TMTC1: variants seen among roughly 807,000 people sequenced by gnomAD.
TMTC1 encodes the protein protein O-mannosyl-transferase TMTC1.
In TMTC1, 73 loss-of-function variants were observed where a neutral mutation model predicts 104.8. The observed-to-expected ratio is 0.70, with a 90% CI of 0.58 to 0.85. The LOEUF is 0.85. TMTC1 is among the 40% of genes least tolerant of loss of function. TMTC1 has a pLI of 0.00. For synonymous variants in TMTC1, 434 were observed against 428.7 expected (o/e 1.01, Z -0.15); for missense variants, 1,035 against 1,096.1 (o/e 0.94, Z 0.79).
chr12:29,640,509 C>G (rs1422015575), intron 5 of TMTC1: 1 of 152,210 alleles, frequency 6.6e-6, no homozygotes, highest in African/African-American at 2.4e-5. Context: ...ACACGTCCCC[C>G]ACAACTGGAG....
At chr12:29,779,157 C>T (rs1341547650) in intron 1 of TMTC1, among the ~76,000 whole-genome samples, 2 of 152,188 alleles carry the variant, frequency 1.3e-5, no homozygotes, top group African/African-American at 4.8e-5. Context: ...CTGGGTGCTG[C>T]TGCAAACCAA....
chr12:29,670,343 G>A (rs892898497), intron 5 of TMTC1, among the ~76,000 whole-genome samples: 2 of 152,134 alleles, frequency 1.3e-5, no homozygotes, highest in Non-Finnish European at 2.9e-5. Flanking sequence ...CCCCAGGCAT[G>A]GTTCTAATGC....
chr12:29,645,747 A>G (rs2136574189), intron 5 of TMTC1, among the ~76,000 whole-genome samples: 1 of 152,328 alleles, frequency 6.6e-6, no homozygotes, highest in South Asian at 2.1e-4. Context: ...GGAGGCATGA[A>G]CTGACTGCTG....
At chr12:29,637,277 A>G (rs2136525739) in intron 5 of TMTC1, among the ~76,000 whole-genome samples, 1 of 152,336 alleles carries the variant, frequency 6.6e-6, no homozygotes, top group Non-Finnish European at 1.5e-5. Context: ...ATTACATTGA[A>G]GCAAATCATC....
chr12:29,711,399 T>C (rs1354423678), intron 5 of TMTC1, among the ~76,000 whole-genome samples: 1 of 152,174 alleles, frequency 6.6e-6, no homozygotes, highest in African/African-American at 2.4e-5. Flanking sequence ...GAGTTCAAAT[T>C]TTGCTTTTAG....
In TMTC1 at chr12:29,514,472, G is replaced by A. The variant is rs745617777; in HGVS notation, c.2430+10C>T. 6.3e-6 allele frequency: 10 copies of A among 1,591,766 alleles called. No homozygotes were observed. In the Admixed American group the frequency reaches 1.5e-4, roughly 24 times the overall value. On this transcript the variant is annotated intron_variant, in intron 16 of 17. Transcript: ENST00000539277. Reference sequence around the variant, plus strand: ...GAATTTGATGATATAATTTTATGATGAGTTTATACCTCAAAAGCTTTGTCG... The same window carrying A: ...GAATTTGATGATATAATTTTATGATAAGTTTATACCTCAAAAGCTTTGTCG...
At chr12:29,648,178 G>A (rs534011365) in intron 5 of TMTC1, among the ~76,000 whole-genome samples, 3 of 152,262 alleles carry the variant, frequency 2.0e-5, no homozygotes, top group Admixed American at 6.5e-5. Context: ...CTTTTCAAAT[G>A]CAAGTCCATA....
At chr12:29,738,877 T>A (rs962279940) in intron 5 of TMTC1, among the ~76,000 whole-genome samples, 1 of 152,148 alleles carries the variant, frequency 6.6e-6, no homozygotes, top group African/African-American at 2.4e-5. Flanking sequence ...TCCTGTTACC[T>A]TTTCTTAAAT....
At chr12:29,590,130 A>T (rs1238523245) in intron 7 of TMTC1, among the ~76,000 whole-genome samples, 1 of 151,974 alleles carries the variant, frequency 6.6e-6, no homozygotes, top group African/African-American at 2.4e-5. Context: ...TGTAAAATTT[A>T]TTTATAAAAA....
chr12:29,671,103 C>T (rs1233035916), intron 5 of TMTC1, among the ~76,000 whole-genome samples: 1 of 151,042 alleles, frequency 6.6e-6, no homozygotes, highest in Admixed American at 6.6e-5. Context: ...ACCAGCCTGA[C>T]CAGCATGGTG....
chr12:29,597,233 C>CTTTCTTTTTTTTTT (rs1565697536), intron 7 of TMTC1, among the ~76,000 whole-genome samples: 1 of 131,344 alleles, frequency 7.6e-6, no homozygotes, highest in African/African-American at 3.7e-5. Flanking sequence ...TTCTTTCTTT[C>CTTTCTTTTTTTTTT]TTTTCTTTCT....
chr12:29,586,405 T>C (rs1166780732), intron 7 of TMTC1, among the ~76,000 whole-genome samples: 4 of 152,206 alleles, frequency 2.6e-5, no homozygotes, highest in Non-Finnish European at 4.4e-5. Flanking sequence ...ACTTCCTCTT[T>C]TCCTAATTGA....
chr12:29,581,376 A>G (rs1446226522), intron 8 of TMTC1, among the ~76,000 whole-genome samples: 1 of 152,208 alleles, frequency 6.6e-6, no homozygotes, highest in Non-Finnish European at 1.5e-5. Context: ...AGAAAATATC[A>G]ATAGCTTTGA....
chr12:29,578,485 C>T (rs7957132), intron 8 of TMTC1, among the ~76,000 whole-genome samples: 1 of 152,136 alleles, frequency 6.6e-6, no homozygotes, highest in South Asian at 2.1e-4. Flanking sequence ...TCCAGCTTTA[C>T]CCATATTTAT....
chr12:29,617,548 G>C (rs940477369), intron 6 of TMTC1, among the ~76,000 whole-genome samples: 21 of 151,760 alleles, frequency 1.4e-4, no homozygotes, highest in African/African-American at 4.4e-4. Context: ...GAGAGAGAGA[G>C]AGAGAGAGAG....
At chr12:29,620,146 T>G (rs1473589533) in intron 6 of TMTC1, among the ~76,000 whole-genome samples, 1 of 152,188 alleles carries the variant, frequency 6.6e-6, no homozygotes, top group Non-Finnish European at 1.5e-5. Context: ...CTGTGAGAAT[T>G]TCATGATGCT....
intron 7 of TMTC1, among the ~76,000 whole-genome samples, chr12:29,587,504 T>A (rs2136343807): frequency 6.6e-6 from 1 of 152,218 alleles, no homozygotes; most frequent in East Asian, 1.9e-4. Context: ...AACTAATTTT[T>A]GTATTTTTCT....
chr12:29,691,496 T>C lies in TMTC1; in HGVS notation c.939-58160A>G, dbSNP rs565771156. 6.4e-5 allele frequency among the ~76,000 whole-genome samples: 7 copies of C among 109,226 alleles called. 1 individual carries two copies. The South Asian group carries it at 1.9e-3, about 29-fold the overall frequency. The allele number at this position is 109,226 out of a possible 152,430, so 71.7% of individuals were successfully genotyped here. ...CTCTGTGTGAATTACTCTCCCTCCA[T>C]TGAAATTCCCCTGTCTTGATAAATC... On this transcript the variant is annotated intron_variant, in intron 5 of 17. Coordinates refer to ENST00000539277, the MANE Select transcript of TMTC1 (RefSeq NM_001193451.2).
chr12:29,712,562 A>G (rs2136846068), intron 5 of TMTC1, among the ~76,000 whole-genome samples: 1 of 152,352 alleles, frequency 6.6e-6, no homozygotes, highest in African/African-American at 2.4e-5. Flanking sequence ...AATGAAGAAA[A>G]TTAGTGAAAA....
Sources: allele counts gnomAD v4.1 joint callset (sites outside exome capture counted in the v4.1 genomes callset), GRCh38; gene constraint gnomAD v4.1.1; transcripts MANE v1.5; gene names NCBI Gene and HGNC (gene_info 2026-07-23, HGNC 2026-07-21).